SESTD1: variants seen among roughly 807,000 people sequenced by gnomAD.
SESTD1 encodes SEC14 and spectrin domain containing 1.
In SESTD1, 43 loss-of-function variants were observed where a neutral mutation model predicts 101.7. The ratio of observed to expected loss-of-function variants is 0.42; its 90% CI spans 0.33 to 0.55. The LOEUF is 0.55. SESTD1 is among the 20% of genes least tolerant of loss of function. The probability of loss-of-function intolerance (pLI) is 0.07; values close to 1 mark genes in which losing one functional copy is unlikely to be tolerated. For synonymous variants in SESTD1, 283 were observed against 286.8 expected (o/e 0.99, Z 0.13); for missense variants, 647 against 815.1 (o/e 0.79, Z 2.51).
chr2:179,131,732 C>T (rs1461050222), intron 10 of SESTD1, among the ~76,000 whole-genome samples: 6 of 152,152 alleles, frequency 3.9e-5, no homozygotes, highest in Non-Finnish European at 5.9e-5. Flanking sequence ...TTATCTTTAA[C>T]AATTATTATC....
chr2:179,239,391 A>AG (rs34516947), intron 1 of SESTD1, among the ~76,000 whole-genome samples: 43,207 of 151,710 alleles, frequency 0.28, 6,440 homozygotes, highest in South Asian at 0.43. Context: ...AGGAAGTACA[A>AG]GGTTTTTTTT....
intron 1 of SESTD1, among the ~76,000 whole-genome samples, chr2:179,228,919 G>C (rs958080127): frequency 9.9e-5 from 15 of 152,122 alleles, no homozygotes; most frequent in Non-Finnish European, 5.9e-5. Context: ...AACACAAAGT[G>C]GGGGCTGGAG....
chr2:179,205,530 G>A (rs1173669239), intron 1 of SESTD1, among the ~76,000 whole-genome samples: 1 of 135,034 alleles, frequency 7.4e-6, no homozygotes, highest in East Asian at 2.0e-4. Context: ...GGCAAACTAT[G>A]ATATCCAGAA....
intron 1 of SESTD1, among the ~76,000 whole-genome samples, chr2:179,262,864 T>C (rs1052371550): frequency 6.6e-6 from 1 of 152,242 alleles, no homozygotes; most frequent in African/African-American, 2.4e-5. Context: ...CCCAAGTAGA[T>C]GCAACTTTGT....
intron 1 of SESTD1, among the ~76,000 whole-genome samples, chr2:179,227,894 C>T (rs1411697741): frequency 6.6e-6 from 1 of 152,134 alleles, no homozygotes; most frequent in African/African-American, 2.4e-5. Context: ...GCTACTTTAC[C>T]ACTCACCCTG....
intron 1 of SESTD1, among the ~76,000 whole-genome samples, chr2:179,216,621 G>A (rs111773827): frequency 0.13 from 17,553 of 134,306 alleles, 6,469 homozygotes; most frequent in African/African-American, 0.5. Context: ...CACAGAATTG[G>A]AAAAAACTAC....
rs550012336 is a variant in SESTD1, at chr2:179,208,881, A to C, written c.-25-17015T>G. Among the ~76,000 whole-genome samples, 23 of 134,928 alleles carry C rather than the reference A, an allele frequency of 1.7e-4. 7 individuals carry two copies. The highest frequency in any genetic ancestry group is 6.7e-4 in the African/African-American group (23 of 34,226). 88.5% of individuals were successfully genotyped at this position (134,928 alleles called of 152,430 possible). A position where few individuals can be genotyped will look rare whatever the true frequency, so the allele number is the denominator to read the frequency against. On this transcript the variant is annotated intron_variant, in intron 1 of 17. Transcript: ENST00000428443. ...AATAGTACCTCACATCTCAACACTA[A>C]TGTTGAATATAAATGGCCTAAATGC...
chr2:179,108,647 A>G lies in SESTD1; in HGVS notation c.*1252T>C, dbSNP rs2044440487. On this transcript the variant is annotated 3_prime_UTR_variant, in exon 18 of 18. Transcript: ENST00000428443. ...CACGAGCATGTTTGTAGACCTCAAAAAGGAACCAGTATACAACTCGTTTAT... is the reference window on the plus strand; with the variant it reads ...CACGAGCATGTTTGTAGACCTCAAAGAGGAACCAGTATACAACTCGTTTAT... 1 of 152,072 alleles carries G rather than the reference A, an allele frequency of 6.6e-6. No individual in the cohort carries two copies. Among genetic ancestry groups the G allele is most frequent in the Admixed American group, 6.5e-5 (1 of 15,268 alleles). 9.4% of individuals were successfully genotyped at this position (152,072 alleles called of 1,614,324 possible).
At chr2:179,117,725 A>G (rs1407741168) in intron 13 of SESTD1, 112 bp from the exon 14 acceptor site, 7 of 730,068 alleles carry the variant, frequency 9.6e-6, no homozygotes, top group Non-Finnish European at 1.5e-5. Flanking sequence ...TTAGTCCTAA[A>G]CAATGGAGAA....
chr2:179,221,046 A>G (rs2046807631), intron 1 of SESTD1, among the ~76,000 whole-genome samples: 1 of 152,272 alleles, frequency 6.6e-6, no homozygotes, highest in East Asian at 1.9e-4. Context: ...ATAAAATAAT[A>G]CTTTTGTTCA....
chr2:179,149,288 G>C lies in SESTD1; in HGVS notation c.581+9C>G, dbSNP rs1222482850. On this transcript the variant is annotated intron_variant, in intron 7 of 17. Transcript: ENST00000428443. ...GCAAGGATATAATTGCATGCCACTA[G>C]CCACCTACCTTTCTTTCTCTTGCTG... 6.3e-7 allele frequency: 1 copy of C among 1,597,454 alleles called. No individual in the cohort carries two copies.
In SESTD1 at chr2:179,107,396, G is replaced by GA. The variant is rs1298843909; in HGVS notation, c.*2502dup. The GA allele has an allele frequency of 6.6e-6, 1 of 152,150 alleles. No homozygotes were observed. The highest frequency in any genetic ancestry group is 2.4e-5 in the African/African-American group (1 of 41,446). 9.4% of individuals were successfully genotyped at this position (152,150 alleles called of 1,614,324 possible). A position where few individuals can be genotyped will look rare whatever the true frequency, so the allele number is the denominator to read the frequency against. ...GCCTTATTTTACTTTTTGTAGGCAAGATAGCTTAAGGTATATAAAAATTAA... is the reference window on the plus strand; with the variant it reads ...GCCTTATTTTACTTTTTGTAGGCAAGAATAGCTTAAGGTATATAAAAATTAA... On this transcript the variant is annotated 3_prime_UTR_variant, in exon 18 of 18. Coordinates refer to ENST00000428443, the MANE Select transcript of SESTD1 (RefSeq NM_178123.5).
rs1181786259 is a variant in SESTD1, at chr2:179,106,636, A to C, written c.*3263T>G. The C allele has an allele frequency of 6.6e-6, 1 of 152,202 alleles. No homozygotes were observed. Among genetic ancestry groups the C allele is most frequent in the Admixed American group, 6.6e-5 (1 of 15,266 alleles). 9.4% of individuals were successfully genotyped at this position (152,202 alleles called of 1,614,324 possible). On this transcript the variant is annotated 3_prime_UTR_variant, in exon 18 of 18. Coordinates refer to ENST00000428443, the MANE Select transcript of SESTD1 (RefSeq NM_178123.5). ...AACAAACATGTTAAGACTAGCTAACACATGGGAGCAATAGCCAATGTAAAT... is the reference window on the plus strand; with the variant it reads ...AACAAACATGTTAAGACTAGCTAACCCATGGGAGCAATAGCCAATGTAAAT...
intron 16 of SESTD1, among the ~76,000 whole-genome samples, chr2:179,113,062 G>T (rs2044547370): frequency 6.6e-6 from 1 of 152,128 alleles, no homozygotes; most frequent in Non-Finnish European, 1.5e-5. Context: ...AATTCTTCAA[G>T]AAATTCAAAC....
chr2:179,223,839 A>C (rs2046846860), intron 1 of SESTD1, among the ~76,000 whole-genome samples: 1 of 152,230 alleles, frequency 6.6e-6, no homozygotes, highest in Non-Finnish European at 1.5e-5. Flanking sequence ...TTGGAACTAC[A>C]AAAGGAACTA....
At chr2:179,152,484 T>C (rs1294031000) in intron 5 of SESTD1, among the ~76,000 whole-genome samples, 1 of 152,180 alleles carries the variant, frequency 6.6e-6, no homozygotes, top group African/African-American at 2.4e-5. Context: ...TTATACCTCA[T>C]AAAACTGACT....
At chr2:179,180,539 T>TA (rs1238882867) in intron 3 of SESTD1, among the ~76,000 whole-genome samples, 1 of 152,060 alleles carries the variant, frequency 6.6e-6, no homozygotes, top group African/African-American at 2.4e-5. Flanking sequence ...TCTGCTAGGG[T>TA]AAACTTAAAA....
chr2:179,182,503 G>A (rs760086159), intron 3 of SESTD1, among the ~76,000 whole-genome samples: 9 of 152,110 alleles, frequency 5.9e-5, no homozygotes, highest in Non-Finnish European at 7.4e-5. Flanking sequence ...TCCCAATTAT[G>A]GGAGAAGCAG....
rs374306022 is a variant in SESTD1, at chr2:179,177,206, TCCC to T, written c.165-671_165-669del. 2.1e-3 allele frequency among the ~76,000 whole-genome samples: 321 copies of T among 152,272 alleles called. 6 individuals are homozygous for T. Among genetic ancestry groups the T allele is most frequent in the African/African-American group, 7.4e-3 (307 of 41,542 alleles). Reference sequence around the variant, plus strand: ...GTGATTTAACTATTAACTAAACACTTCCCAGAAGTCTAACCTAGTAAAACGCAA... The same window carrying T: ...GTGATTTAACTATTAACTAAACACTTAGAAGTCTAACCTAGTAAAACGCAA... On this transcript the variant is annotated intron_variant, in intron 3 of 17. Transcript: ENST00000428443.
Sources: allele counts gnomAD v4.1 joint callset (sites outside exome capture counted in the v4.1 genomes callset), GRCh38; gene constraint gnomAD v4.1.1; transcripts MANE v1.5; gene names NCBI Gene and HGNC (gene_info 2026-07-23, HGNC 2026-07-21).